CDK14: variants seen among roughly 807,000 people sequenced by gnomAD.
CDK14 encodes the protein cyclin-dependent kinase 14.
A neutral mutation model predicts 60.7 loss-of-function variants in CDK14; 34 were observed. That is an observed-to-expected ratio of 0.56 (90% CI 0.43 to 0.75). CDK14 has a LOEUF of 0.75. CDK14 is among the 30% of genes least tolerant of loss of function. CDK14 has a pLI of 0.00. For synonymous variants in CDK14, 197 were observed against 203.7 expected (o/e 0.97, Z 0.28); for missense variants, 482 against 564.1 (o/e 0.85, Z 1.47).
At chr7:90,973,908 C>T (rs11976902) in intron 9 of CDK14, among the ~76,000 whole-genome samples, 23,473 of 151,990 alleles carry the variant, frequency 0.15, 1,926 homozygotes, top group Non-Finnish European at 0.18. Flanking sequence ...AAACAGGGTT[C>T]GAGAGCAGAC....
At chr7:91,172,001 A>T (rs558381666) in intron 14 of CDK14, among the ~76,000 whole-genome samples, 76 of 152,348 alleles carry the variant, frequency 5.0e-4, no homozygotes, top group South Asian at 8.3e-4. Flanking sequence ...TTAGATTTTT[A>T]AATTGTTTTA....
chr7:90,911,503 G>T (rs547132754), intron 7 of CDK14, among the ~76,000 whole-genome samples: 1 of 152,232 alleles, frequency 6.6e-6, no homozygotes, highest in South Asian at 2.1e-4. Flanking sequence ...TGAAAGCCCT[G>T]AGAGACCCCG....
intron 3 of CDK14, among the ~76,000 whole-genome samples, chr7:90,744,935 G>A (rs1290939891): frequency 2.0e-5 from 3 of 152,188 alleles, no homozygotes; most frequent in African/African-American, 7.2e-5. Flanking sequence ...ATTTTACTTA[G>A]CATGCTTTCT....
intron 9 of CDK14, among the ~76,000 whole-genome samples, chr7:90,966,363 G>A (rs1360296890): frequency 6.6e-6 from 1 of 152,082 alleles, no homozygotes; most frequent in Non-Finnish European, 1.5e-5. Flanking sequence ...TATACACTTA[G>A]AAGGGCCCAA....
chr7:90,722,032 G>A (rs188680806), intron 2 of CDK14, among the ~76,000 whole-genome samples: 208 of 152,026 alleles, frequency 1.4e-3, no homozygotes, highest in African/African-American at 4.8e-3. Flanking sequence ...TAAGACCCAG[G>A]CTGCTCGCTT....
intron 2 of CDK14, among the ~76,000 whole-genome samples, chr7:90,703,633 GCAGA>G (rs1226711791): frequency 6.6e-6 from 1 of 152,138 alleles, no homozygotes; most frequent in Non-Finnish European, 1.5e-5. Context: ...AAACTGAGAT[GCAGA>G]CAAATTATTA....
chr7:90,988,754 T>TTG (rs35319645), intron 10 of CDK14, among the ~76,000 whole-genome samples: 22,190 of 152,110 alleles, frequency 0.15, 1,838 homozygotes, highest in Middle Eastern at 0.28. Context: ...TCATGGCCCA[T>TTG]TGTGTGACAG....
chr7:91,165,087 G>T (rs959440215), intron 14 of CDK14, among the ~76,000 whole-genome samples: 1 of 152,142 alleles, frequency 6.6e-6, no homozygotes, highest in Non-Finnish European at 1.5e-5. Context: ...CGTTCCCTAT[G>T]CGGCCTGGTT....
At chr7:90,729,092 A>G (rs757486366) in intron 3 of CDK14, among the ~76,000 whole-genome samples, 2 of 149,770 alleles carry the variant, frequency 1.3e-5, no homozygotes, top group Non-Finnish European at 3.0e-5. Context: ...TCTGCCTGGT[A>G]TCCAAGCCCC....
chr7:91,152,037 C>G (rs1331080528), intron 14 of CDK14, among the ~76,000 whole-genome samples: 1 of 152,206 alleles, frequency 6.6e-6, no homozygotes, highest in African/African-American at 2.4e-5. Flanking sequence ...TACCAATGGG[C>G]TTGGTTGGCT....
intron 2 of CDK14, among the ~76,000 whole-genome samples, chr7:90,721,408 C>T (rs1425374481): frequency 1.3e-5 from 2 of 152,162 alleles, no homozygotes; most frequent in African/African-American, 4.8e-5. Context: ...CATGGTCTTT[C>T]AGCAACTCAT....
intron 4 of CDK14, among the ~76,000 whole-genome samples, chr7:90,775,618 T>A (rs1387638231): frequency 7.5e-6 from 1 of 133,238 alleles, no homozygotes; most frequent in Non-Finnish European, 1.6e-5. Flanking sequence ...CGAAAATACC[T>A]CCTCCTCCCC....
chr7:90,994,353 C>T (rs1795619771), intron 10 of CDK14, among the ~76,000 whole-genome samples: 1 of 152,094 alleles, frequency 6.6e-6, no homozygotes, highest in Admixed American at 6.5e-5. Flanking sequence ...GAGTGGGTGG[C>T]CCAAGAGGAC....
chr7:90,630,888 ATGTGTGTG>A lies in CDK14; in HGVS notation c.123+26661_123+26668del, dbSNP rs55859300. ...TGAGTATTTACATCTTGGGGTGTGT[ATGTGTGTG>A]TGTGTGTGTGTGTGTGTGTGTACCT... On this transcript the variant is annotated intron_variant, in intron 2 of 14. Transcript: ENST00000380050. Among the ~76,000 whole-genome samples the A allele has an allele frequency of 3.2e-4, 48 of 148,470 alleles. No individual in the cohort carries two copies. In the East Asian group the frequency reaches 8.0e-3, roughly 25 times the overall value.
At chr7:90,604,169 CTT>C (rs1029780463) in intron 1 of CDK14, 47 bp from the exon 2 acceptor site, 8 of 1,282,294 alleles carry the variant, frequency 6.2e-6, no homozygotes, top group Non-Finnish European at 8.7e-6. Flanking sequence ...AACTTAGTCT[CTT>C]TGGAATTTTT....
intron 4 of CDK14, among the ~76,000 whole-genome samples, chr7:90,773,416 G>A (rs187287601): frequency 1.3e-5 from 2 of 152,334 alleles, no homozygotes; most frequent in East Asian, 3.9e-4. Flanking sequence ...ATCACACAGA[G>A]GTATTAGCGT....
At chr7:91,188,382 C>T (rs1292665756) in intron 14 of CDK14, among the ~76,000 whole-genome samples, 1 of 152,124 alleles carries the variant, frequency 6.6e-6, no homozygotes, top group Non-Finnish European at 1.5e-5. Flanking sequence ...TGGTGCTTAT[C>T]TCCTCCCAAA....
chr7:91,078,107 A>T (rs1584024981), intron 11 of CDK14, among the ~76,000 whole-genome samples: 1 of 152,218 alleles, frequency 6.6e-6, no homozygotes, highest in African/African-American at 2.4e-5. Context: ...TAAAATATGC[A>T]TACCGTTTGC....
At chr7:90,892,091 CA>C (rs1471645119) in intron 6 of CDK14, among the ~76,000 whole-genome samples, 1 of 152,152 alleles carries the variant, frequency 6.6e-6, no homozygotes, top group Non-Finnish European at 1.5e-5. Flanking sequence ...ATTTCATGTC[CA>C]AGAGGTGGTC....
Sources: gnomAD v4.1 joint callset for allele counts (sites outside exome capture counted in the v4.1 genomes callset) on GRCh38, gnomAD v4.1.1 for gene constraint, MANE v1.5 for transcripts, NCBI Gene and HGNC (gene_info 2026-07-23, HGNC 2026-07-21) for gene names.